The following PPP2R5A variants were observed in gnomAD, a reference collection of about 807,000 sequenced individuals.
PPP2R5A encodes protein phosphatase 2 regulatory subunit B'alpha, also known as serine/threonine-protein phosphatase 2A 56 kDa regulatory subunit alpha isoform.
A neutral mutation model predicts 64.2 loss-of-function variants in PPP2R5A; 25 were observed. The ratio of observed to expected loss-of-function variants is 0.39; its 90% CI spans 0.28 to 0.54. The LOEUF (loss-of-function observed/expected upper bound fraction) is 0.54. PPP2R5A is among the 20% of genes least tolerant of loss of function. The pLI is 0.67. For synonymous variants in PPP2R5A, 198 were observed against 201.2 expected (o/e 0.98, Z 0.13); for missense variants, 425 against 576.3 (o/e 0.74, Z 2.69).
chr1:212,359,818 T>C (rs2102452517), intron 12 of PPP2R5A, among the ~76,000 whole-genome samples: 1 of 152,328 alleles, frequency 6.6e-6, no homozygotes, highest in East Asian at 1.9e-4. Context: ...GTACATGTTT[T>C]GAGCCTCAGG....
intron 1 of PPP2R5A, chr1:212,309,657 T>G (rs1310844094): frequency 3.9e-6 from 2 of 507,722 alleles, no homozygotes; most frequent in African/African-American, 3.9e-5. Flanking sequence ...CTTCTTTTTT[T>G]CTGGCACATG....
chr1:212,342,223 C>T lies in PPP2R5A; in HGVS notation c.516C>T (p.Ser172=), dbSNP rs770844766. ...AATTCTTCTTGAGATTTTTGGAGAG[C>T]CCTGATTTCCAGCCTAGCATTGCAA... ...VYEFFLRFLE[S]PDFQPSIAKR... is the part of the protein sequence containing the mutation. Residue 172 remains serine (S), a synonymous_variant, in exon 4 of 13, where the codon AGC becomes AGT. Coordinates refer to ENST00000261461, the MANE Select transcript of PPP2R5A (RefSeq NM_006243.4). 3.7e-6 allele frequency: 6 copies of T among 1,613,426 alleles called. No homozygotes were observed. Among genetic ancestry groups the T allele is most frequent in the South Asian group, 2.2e-5 (2 of 90,998 alleles).
chr1:212,294,677 A>T (rs1658661505), intron 1 of PPP2R5A, among the ~76,000 whole-genome samples: 1 of 152,228 alleles, frequency 6.6e-6, no homozygotes, highest in African/African-American at 2.4e-5. Context: ...TTTTTCTTTT[A>T]AATTTAATGT....
At position 212,297,866 on chromosome 1, in the gene PPP2R5A, AG is replaced by A. The variant is rs1658729034; in HGVS notation, c.181+11580del. On this transcript the variant is annotated intron_variant, in intron 1 of 12. Coordinates refer to ENST00000261461, the MANE Select transcript of PPP2R5A (RefSeq NM_006243.4). ...GATCATTCTTGGGTGTTTCTCGCAG[AG>A]GGGGATTTGGCAGGGTCATAGGACA... The A allele has an allele frequency of 4.7e-5, 2 of 42,780 alleles. 1 individual carries two copies. Among genetic ancestry groups the A allele is most frequent in the South Asian group, 1.0e-3 (2 of 1,992 alleles). The allele number at this position is 42,780 out of a possible 1,614,324, so 2.7% of individuals were successfully genotyped here. A position where few individuals can be genotyped will look rare whatever the true frequency, so the allele number is the denominator to read the frequency against.
intron 3 of PPP2R5A, among the ~76,000 whole-genome samples, chr1:212,340,915 C>G (rs1659675349): frequency 6.6e-6 from 1 of 152,166 alleles, no homozygotes; most frequent in Non-Finnish European, 1.5e-5. Flanking sequence ...TTTCTTTTCC[C>G]TTTTTCTTTT....
At chr1:212,321,230 C>T (rs1239327403) in intron 1 of PPP2R5A, among the ~76,000 whole-genome samples, 1 of 144,342 alleles carries the variant, frequency 6.9e-6, no homozygotes, top group African/African-American at 2.6e-5. Context: ...GGCGGCTGGC[C>T]GGGCAGAGGG....
intron 1 of PPP2R5A, among the ~76,000 whole-genome samples, chr1:212,307,726 G>A (rs1571581420): frequency 1.3e-5 from 2 of 152,136 alleles, no homozygotes; most frequent in East Asian, 3.8e-4. Flanking sequence ...GCTATCATTG[G>A]TGGTCATATG....
chr1:212,357,045 G>GT lies in PPP2R5A; in HGVS notation c.1075dup (p.Cys359LeufsTer19). On this transcript the variant is annotated frameshift_variant, in exon 10 of 13. Transcript: ENST00000261461. LOFTEE classifies it high-confidence loss of function. ...AGCCACTTTTCAAGCAGATATCCAA[G>GT]TGTGTATCCAGTTCTCATTTTCAGG... 2 of 1,610,870 alleles carry GT rather than the reference G, an allele frequency of 1.2e-6. No homozygotes were observed. Among genetic ancestry groups the GT allele is most frequent in the Non-Finnish European group, 8.5e-7 (1 of 1,178,828 alleles).
chr1:212,297,247 G>T (rs1441152527), intron 1 of PPP2R5A, among the ~76,000 whole-genome samples: 1 of 150,678 alleles, frequency 6.6e-6, no homozygotes, highest in Non-Finnish European at 1.5e-5. Context: ...TCAGCCTCCC[G>T]AGTAGCTGCC....
At chr1:212,360,163 A>G (rs866912429) in intron 12 of PPP2R5A, among the ~76,000 whole-genome samples, 14 of 152,202 alleles carry the variant, frequency 9.2e-5, no homozygotes, top group Admixed American at 4.6e-4. Flanking sequence ...GACATGTAAA[A>G]GAGGAGCTAG....
chr1:212,351,671 A>C (rs1188315742), intron 8 of PPP2R5A, among the ~76,000 whole-genome samples: 1 of 152,166 alleles, frequency 6.6e-6, no homozygotes, highest in Admixed American at 6.5e-5. Flanking sequence ...CAGAGGTTGC[A>C]GTGAGCCGAG....
At position 212,342,171 on chromosome 1, in the gene PPP2R5A, T is replaced by C; in HGVS notation, c.481-17T>C. 6.2e-7 allele frequency: 1 copy of C among 1,611,162 alleles called. No homozygotes were observed. Among genetic ancestry groups the C allele is most frequent in the Middle Eastern group, 1.7e-4 (1 of 6,040 alleles). On this transcript the variant is annotated splice_polypyrimidine_tract_variant and intron_variant, in intron 3 of 12. Coordinates refer to ENST00000261461, the MANE Select transcript of PPP2R5A (RefSeq NM_006243.4). ...CTGTAGCCATCATCTTAGCCTTTATTTGACTTTCTCTCATAGTTGGTATAT... is the reference window on the plus strand; with the variant it reads ...CTGTAGCCATCATCTTAGCCTTTATCTGACTTTCTCTCATAGTTGGTATAT...
chr1:212,357,504 T>A (rs1043046863), intron 11 of PPP2R5A: 10 of 392,434 alleles, frequency 2.5e-5, no homozygotes, highest in Non-Finnish European at 3.7e-5. Flanking sequence ...AATTTATTTT[T>A]AAAATTTTTT....
At chr1:212,349,277 G>T in intron 8 of PPP2R5A, 35 bp downstream of exon 8, 1 of 1,451,804 alleles carries the variant, frequency 6.9e-7, no homozygotes, top group Non-Finnish European at 9.4e-7. Context: ...TTTTTGGTCT[G>T]CATTAATAGC....
At chr1:212,286,957 A>G (rs1658515599) in intron 1 of PPP2R5A, among the ~76,000 whole-genome samples, 1 of 152,238 alleles carries the variant, frequency 6.6e-6, no homozygotes, top group Non-Finnish European at 1.5e-5. Flanking sequence ...GATTTAAAAT[A>G]TTCTGTTGTC....
rs566333752 is a variant in PPP2R5A at position 212,326,369 on chromosome 1, G to A, written c.182-2766G>A. ...AGCACTTTGGGAGGCCGAGGCAGGC[G>A]GATCATTTGAGGTCAGGAGTTTGAG... On this transcript the variant is annotated intron_variant, in intron 1 of 12. Coordinates refer to ENST00000261461, the MANE Select transcript of PPP2R5A (RefSeq NM_006243.4). Among the ~76,000 whole-genome samples the A allele has an allele frequency of 2.2e-4, 33 of 151,980 alleles. 1 individual carries two copies. In the East Asian group the frequency reaches 2.5e-3, roughly 12 times the overall value.
rs11417541 is a variant in PPP2R5A, at chr1:212,319,618, C to CTTTTTTTTTTTTTTTTTT, written c.182-9515_182-9498dup. The CTTTTTTTTTTTTTTTTTT allele has an allele frequency of 1.0e-4, 13 of 126,966 alleles. No individual in the cohort carries two copies. In the East Asian group the frequency reaches 1.1e-3, roughly 11 times the overall value. 7.9% of individuals were successfully genotyped at this position (126,966 alleles called of 1,614,324 possible). The stretch of plus-strand genomic sequence containing the variant: ...TTATGTGTTCTTTTTGTTTTCTTTT[C>CTTTTTTTTTTTTTTTTTT]TTTTTTTTTTTTTTTTTTTGAGACG... On this transcript the variant is annotated intron_variant, in intron 1 of 12. Coordinates refer to ENST00000261461, the MANE Select transcript of PPP2R5A (RefSeq NM_006243.4).
At chr1:212,354,071 C>A (rs1363074522) in intron 8 of PPP2R5A, among the ~76,000 whole-genome samples, 2 of 152,260 alleles carry the variant, frequency 1.3e-5, no homozygotes, top group Non-Finnish European at 2.9e-5. Flanking sequence ...GTAGTCCCAG[C>A]TACTCAGGAG....
At chr1:212,322,294 A>G (rs1659321322) in intron 1 of PPP2R5A, among the ~76,000 whole-genome samples, 1 of 147,552 alleles carries the variant, frequency 6.8e-6, no homozygotes, top group African/African-American at 2.6e-5. Flanking sequence ...GGAGAGGGAG[A>G]GCTTCTTACA....
Sources: allele counts gnomAD v4.1 joint callset (sites outside exome capture counted in the v4.1 genomes callset), GRCh38; gene constraint gnomAD v4.1.1; transcripts MANE v1.5; gene names NCBI Gene and HGNC (gene_info 2026-07-23, HGNC 2026-07-21).